The following SUMF1 variants were observed in gnomAD, a reference collection of about 807,000 sequenced individuals.
The protein encoded by SUMF1 is formylglycine-generating enzyme.
A neutral mutation model predicts 47.6 loss-of-function variants in SUMF1; 48 were observed. That is an observed-to-expected ratio of 1.01 (90% confidence interval 0.80 to 1.28). The LOEUF is 1.28. SUMF1 is among the 50% of genes most tolerant of loss of function. The pLI is 0.00. For missense variants in SUMF1, 571 were observed against 485.4 expected, an observed-to-expected ratio of 1.18 and a Z score of -1.66; for synonymous variants, 230 against 192.1, an observed-to-expected ratio of 1.20 and a Z score of -1.63.
At chr3:4,349,928 G>A (rs752024376) in intron 8 of SUMF1, among the ~76,000 whole-genome samples, 2 of 150,276 alleles carry the variant, frequency 1.3e-5, no homozygotes, top group Non-Finnish European at 2.9e-5. Context: ...AAACCTGCAC[G>A]TTCTGTACAT....
At chr3:4,101,348 T>C (rs528163969) in intron 8 of SUMF1, among the ~76,000 whole-genome samples, 5 of 152,240 alleles carry the variant, frequency 3.3e-5, no homozygotes, top group South Asian at 2.1e-4. Flanking sequence ...TATGACAATA[T>C]AGATGAACCT....
intron 3 of SUMF1, among the ~76,000 whole-genome samples, chr3:4,421,137 G>A (rs1701885380): frequency 6.6e-6 from 1 of 152,202 alleles, no homozygotes; most frequent in Non-Finnish European, 1.5e-5. Flanking sequence ...CATTTAGTGA[G>A]TGGTTTAGTT....
At chr3:4,396,920 T>G (rs1701057254) in intron 7 of SUMF1, among the ~76,000 whole-genome samples, 1 of 152,214 alleles carries the variant, frequency 6.6e-6, no homozygotes, top group Non-Finnish European at 1.5e-5. Context: ...AGCATCTATG[T>G]GCTGAAAACC....
In SUMF1 at chr3:4,082,944, C is replaced by A. The variant is rs575715636; in HGVS notation, c.1015-14199G>T. ...AATAAGTGCCCAGCAGATAAACGAC[C>A]AGAGTGGTGCACTGCCTGACAGAGG... On this transcript the variant is annotated intron_variant and NMD_transcript_variant, in intron 8 of 12. Coordinates refer to the SUMF1 transcript ENST00000448413. Among the ~76,000 whole-genome samples the A allele has an allele frequency of 5.3e-5, 8 of 152,206 alleles. No individual in the cohort carries two copies. In the East Asian group the frequency reaches 1.5e-3, roughly 29 times the overall value.
intron 8 of SUMF1, among the ~76,000 whole-genome samples, chr3:4,178,095 G>A (rs148786562): frequency 1.1e-3 from 175 of 152,208 alleles, no homozygotes; most frequent in African/African-American, 3.8e-3. Context: ...GATTCACAGT[G>A]TAATTCTACC....
intron 1 of SUMF1, among the ~76,000 whole-genome samples, chr3:4,456,860 ATG>A (rs373263315): frequency 1.3e-5 from 1 of 75,102 alleles, no homozygotes. Context: ...GTGTATATAT[ATG>A]TGTGTGTATA....
At chr3:4,080,655 A>C (rs1692539521) in intron 8 of SUMF1, among the ~76,000 whole-genome samples, 1 of 152,146 alleles carries the variant, frequency 6.6e-6, no homozygotes, top group African/African-American at 2.4e-5. Flanking sequence ...AATCACACAG[A>C]CATACATGTA....
chr3:4,075,826 A>G lies in SUMF1; in HGVS notation c.1015-7081T>C, dbSNP rs148494327. On this transcript the variant is annotated intron_variant and NMD_transcript_variant, in intron 8 of 12. Coordinates refer to the SUMF1 transcript ENST00000448413. ...AAGGAGAACTACAAACCACTGCTCA[A>G]TGAAATAAAAGAGGACACAAACAAA... Among the ~76,000 whole-genome samples the G allele has an allele frequency of 4.4e-3, 668 of 152,292 alleles. 3 individuals carry two copies. Among genetic ancestry groups the G allele is most frequent in the Non-Finnish European group, 7.2e-3 (492 of 68,018 alleles).
intron 8 of SUMF1, among the ~76,000 whole-genome samples, chr3:4,289,573 T>A (rs1156473152): frequency 2.0e-5 from 3 of 152,194 alleles, no homozygotes; most frequent in Non-Finnish European, 4.4e-5. Context: ...CTTAATTATA[T>A]CAATTCTGTT....
chr3:4,219,888 C>T (rs901167228), intron 8 of SUMF1, among the ~76,000 whole-genome samples: 1 of 152,058 alleles, frequency 6.6e-6, no homozygotes, highest in Admixed American at 6.6e-5. Context: ...AATGAAAATC[C>T]TGGGATGTTT....
chr3:4,214,690 G>A (rs1420809241), intron 8 of SUMF1, among the ~76,000 whole-genome samples: 2 of 151,646 alleles, frequency 1.3e-5, no homozygotes, highest in African/African-American at 4.8e-5. Context: ...CCAAATATAT[G>A]CAATAAAAAA....
intron 8 of SUMF1, among the ~76,000 whole-genome samples, chr3:4,330,772 G>A (rs1433347776): frequency 6.6e-6 from 1 of 152,100 alleles, no homozygotes; most frequent in African/African-American, 2.4e-5. Flanking sequence ...AAAGAGAAAA[G>A]CAAATTTTAC....
At chr3:4,112,854 A>C (rs1159220931) in intron 8 of SUMF1, among the ~76,000 whole-genome samples, 1 of 152,144 alleles carries the variant, frequency 6.6e-6, no homozygotes, top group Admixed American at 6.5e-5. Context: ...AACAAACTCA[A>C]ATAATTGCAA....
At chr3:4,035,884 T>C (rs200763374) in intron 9 of SUMF1, among the ~76,000 whole-genome samples, 2 of 4,902 alleles carry the variant, frequency 4.1e-4, no homozygotes, top group African/African-American at 4.5e-4. Flanking sequence ...GTGAGATATG[T>C]TAGAGACACT....
At chr3:4,436,039 T>A (rs1455568997) in intron 3 of SUMF1, among the ~76,000 whole-genome samples, 1 of 152,198 alleles carries the variant, frequency 6.6e-6, no homozygotes, top group Non-Finnish European at 1.5e-5. Context: ...CCCAGCAGTT[T>A]GGGAGGCCAA....
intron 8 of SUMF1, among the ~76,000 whole-genome samples, chr3:4,235,318 C>A (rs1333242335): frequency 1.3e-5 from 2 of 152,018 alleles, no homozygotes; most frequent in East Asian, 3.9e-4. Flanking sequence ...GGCAGATTAA[C>A]AAGTTCTAGG....
intron 8 of SUMF1, among the ~76,000 whole-genome samples, chr3:4,168,016 A>T (rs1444658127): frequency 6.6e-6 from 1 of 152,178 alleles, no homozygotes; most frequent in Non-Finnish European, 1.5e-5. Flanking sequence ...TTATACATGC[A>T]TATTTATTGT....
At chr3:4,185,387 T>TG (rs1203748699) in intron 8 of SUMF1, among the ~76,000 whole-genome samples, 1 of 152,228 alleles carries the variant, frequency 6.6e-6, no homozygotes, top group East Asian at 1.9e-4. Context: ...ATTGTTTTTT[T>TG]GAATCTAACA....
At chr3:4,336,051 G>A (rs894231769) in intron 8 of SUMF1, among the ~76,000 whole-genome samples, 25 of 150,738 alleles carry the variant, frequency 1.7e-4, no homozygotes, top group African/African-American at 2.0e-4. Flanking sequence ...AAATCTACCC[G>A]GAGAATCCCT....
Sources: allele counts gnomAD v4.1 joint callset (sites outside exome capture counted in the v4.1 genomes callset), GRCh38; gene constraint gnomAD v4.1.1; transcripts MANE v1.5; gene names NCBI Gene and HGNC (gene_info 2026-07-23, HGNC 2026-07-21).